The following CHST8 variants were observed in gnomAD, a reference collection of about 807,000 sequenced individuals.
The protein encoded by CHST8 is GALNAC-4-ST1.
A neutral mutation model predicts 15.0 loss-of-function variants in CHST8; 10 were observed. The ratio of observed to expected loss-of-function variants is 0.67; its 90% CI spans 0.41 to 1.13. CHST8 has a LOEUF of 1.13. Ranked by LOEUF, CHST8 falls within the 50% of genes most tolerant of loss-of-function variation. The probability of loss-of-function intolerance (pLI) is 0.00; values close to 1 mark genes in which losing one functional copy is unlikely to be tolerated. For missense variants in CHST8, 634 were observed against 608.2 expected (o/e 1.04, Z -0.45); for synonymous variants, 259 against 256.6 (o/e 1.01, Z -0.09).
chr19:33,691,152 C>T (rs780182915), intron 3 of CHST8, among the ~76,000 whole-genome samples: 2 of 152,256 alleles, frequency 1.3e-5, no homozygotes, highest in African/African-American at 2.4e-5. Flanking sequence ...CCCTGTTGCC[C>T]TGCCCAGCTT....
At position 33,677,248 on chromosome 19, in the gene CHST8, C is replaced by G. The variant is rs562047723; in HGVS notation, c.-87+9405C>G. On this transcript the variant is annotated intron_variant, in intron 2 of 4. Coordinates refer to ENST00000650847, the MANE Select transcript of CHST8 (RefSeq NM_001127895.2). Reference sequence around the variant, plus strand: ...CAGTTAGCCGAGTGCTGCCCACATCCCTGCCCCACCTGCCCCTGCCTGGCA... The same window carrying G: ...CAGTTAGCCGAGTGCTGCCCACATCGCTGCCCCACCTGCCCCTGCCTGGCA... 5.3e-5 allele frequency among the ~76,000 whole-genome samples: 8 copies of G among 152,258 alleles called. No individual in the cohort carries two copies. The East Asian group carries it at 1.5e-3, about 29-fold the overall frequency.
intron 3 of CHST8, among the ~76,000 whole-genome samples, chr19:33,750,453 G>A (rs1974393200): frequency 6.6e-6 from 1 of 152,142 alleles, no homozygotes; most frequent in Non-Finnish European, 1.5e-5. Flanking sequence ...CACCAGAGTT[G>A]GCACATCCCT....
chr19:33,679,420 T>A (rs1427501002), intron 2 of CHST8, among the ~76,000 whole-genome samples: 1 of 152,182 alleles, frequency 6.6e-6, no homozygotes, highest in East Asian at 1.9e-4. Context: ...TTAACCCAAA[T>A]AATTCATGTT....
At chr19:33,754,209 TGTGGTA>T (rs1974500413) in intron 3 of CHST8, among the ~76,000 whole-genome samples, 1 of 148,892 alleles carries the variant, frequency 6.7e-6, no homozygotes, top group Non-Finnish European at 1.5e-5. Context: ...GACACCCTTG[TGTGGTA>T]CAAACCCCCT....
intron 3 of CHST8, among the ~76,000 whole-genome samples, chr19:33,749,095 G>T (rs284684): frequency 0.25 from 37,949 of 152,012 alleles, 4,816 homozygotes; most frequent in Admixed American, 0.28. Flanking sequence ...GGCAGAAGGG[G>T]TGTGCATGCC....
intron 3 of CHST8, among the ~76,000 whole-genome samples, chr19:33,749,626 G>C (rs1208782630): frequency 6.6e-6 from 1 of 151,918 alleles, no homozygotes; most frequent in Admixed American, 6.5e-5. Flanking sequence ...TAAGTCCCTG[G>C]GTGGTCACTA....
intron 2 of CHST8, among the ~76,000 whole-genome samples, chr19:33,674,696 C>G (rs534425674): frequency 6.6e-6 from 1 of 152,264 alleles, no homozygotes; most frequent in East Asian, 1.9e-4. Context: ...CCTGCTGGGC[C>G]GCCACTCTGG....
chr19:33,772,203 C>T lies in CHST8; in HGVS notation c.415C>T (p.Pro139Ser), dbSNP rs769215395. 5 of 1,594,628 alleles carry T rather than the reference C, an allele frequency of 3.1e-6. No individual in the cohort carries two copies. The African/African-American group carries it at 4.0e-5, about 13-fold the overall frequency. Residue 139 changes from proline to serine, a missense_variant, in exon 5 of 5, where the codon CCC (proline) becomes TCC (serine). Transcript: ENST00000650847. ...SSDAPFIRPG[P>S]GTLDGRWVSL... is the part of the protein sequence containing the mutation. ...GGACGCGCCCTTCATCCGGCCGGGACCCGGGACGCTGGATGGCCGCTGGGT... is the reference window on the plus strand; with the variant it reads ...GGACGCGCCCTTCATCCGGCCGGGATCCGGGACGCTGGATGGCCGCTGGGT...
chr19:33,765,172 GAC>G (rs1974808873), intron 3 of CHST8, among the ~76,000 whole-genome samples: 1 of 151,512 alleles, frequency 6.6e-6, no homozygotes, highest in Non-Finnish European at 1.5e-5. Flanking sequence ...GAGGAGAAGA[GAC>G]ACACGTGTGC....
intron 3 of CHST8, among the ~76,000 whole-genome samples, chr19:33,724,444 G>T (rs1973856364): frequency 1.3e-5 from 2 of 152,220 alleles, no homozygotes; most frequent in African/African-American, 2.4e-5. Context: ...CTCAGCCAAG[G>T]AGCCGTAAGC....
intron 3 of CHST8, among the ~76,000 whole-genome samples, chr19:33,741,733 A>T (rs1302730819): frequency 6.6e-6 from 1 of 151,516 alleles, no homozygotes; most frequent in Non-Finnish European, 1.5e-5. Context: ...AAATTGTGCT[A>T]ATCTCTATGA....
At chr19:33,635,518 T>C (rs1972182665) in intron 1 of CHST8, among the ~76,000 whole-genome samples, 1 of 151,806 alleles carries the variant, frequency 6.6e-6, no homozygotes, top group African/African-American at 2.4e-5. Context: ...GGCAGGAGGA[T>C]CTCTTGAGCC....
At chr19:33,640,810 C>T (rs1035910296) in intron 1 of CHST8, among the ~76,000 whole-genome samples, 1 of 152,272 alleles carries the variant, frequency 6.6e-6, no homozygotes, top group South Asian at 2.1e-4. Flanking sequence ...GGGTGCTCCA[C>T]GACGCCTCCC....
At chr19:33,734,151 G>A (rs894386163) in intron 3 of CHST8, among the ~76,000 whole-genome samples, 41 of 152,154 alleles carry the variant, frequency 2.7e-4, no homozygotes, top group African/African-American at 6.8e-4. Flanking sequence ...TAAGGAAGCC[G>A]GCTAAAACCC....
intron 1 of CHST8, among the ~76,000 whole-genome samples, chr19:33,637,573 T>C (rs1972221995): frequency 6.6e-6 from 1 of 151,022 alleles, no homozygotes; most frequent in African/African-American, 2.4e-5. Flanking sequence ...CGGCTAATTT[T>C]TGGTATTTTT....
chr19:33,632,406 C>T (rs1421748658), intron 1 of CHST8, among the ~76,000 whole-genome samples: 1 of 152,164 alleles, frequency 6.6e-6, no homozygotes, highest in Non-Finnish European at 1.5e-5. Context: ...CCACCTGCCT[C>T]GGCCTCCCAA....
At chr19:33,693,369 C>T (rs1200263244) in intron 3 of CHST8, among the ~76,000 whole-genome samples, 10 of 152,174 alleles carry the variant, frequency 6.6e-5, no homozygotes, top group African/African-American at 1.7e-4. Context: ...ATTGACATCA[C>T]CACTGAACTC....
At chr19:33,771,888 C>T in intron 4 of CHST8, 69 bp from the exon 5 acceptor site, 2 of 1,502,402 alleles carry the variant, frequency 1.3e-6, no homozygotes, top group South Asian at 1.3e-5. Flanking sequence ...TGGTGAGAGC[C>T]TGACCTGTGT....
At chr19:33,707,289 A>T (rs1370455088) in intron 3 of CHST8, among the ~76,000 whole-genome samples, 1 of 152,140 alleles carries the variant, frequency 6.6e-6, no homozygotes, top group Non-Finnish European at 1.5e-5. Context: ...CCTTGCCTCA[A>T]GTGATTCTCC....
Sources: allele counts gnomAD v4.1 joint callset (sites outside exome capture counted in the v4.1 genomes callset), GRCh38; gene constraint gnomAD v4.1.1; transcripts MANE v1.5; gene names NCBI Gene and HGNC (gene_info 2026-07-23, HGNC 2026-07-21).